Variants in RNF216 observed in about 807,000 individuals in gnomAD.
RNF216 encodes ring finger protein 216.
RNF216 carries 72 observed loss-of-function variants against 110.8 expected under a neutral mutation model. The ratio of observed to expected loss-of-function variants is 0.65; its 90% CI spans 0.54 to 0.79. The LOEUF is 0.79. Among genes scored for constraint, RNF216 ranks in the 30% least tolerant of loss-of-function variants. The probability of loss-of-function intolerance (pLI) is 0.00; values close to 1 mark genes in which losing one functional copy is unlikely to be tolerated. For missense variants in RNF216, 1,342 were observed against 1,141.2 expected, an observed-to-expected ratio of 1.18 and a Z score of -2.54; for synonymous variants, 495 against 407.5, an observed-to-expected ratio of 1.21 and a Z score of -2.59.
At chr7:5,767,858 C>G (rs1205361782) in intron 1 of RNF216, among the ~76,000 whole-genome samples, 1 of 152,106 alleles carries the variant, frequency 6.6e-6, no homozygotes, top group Non-Finnish European at 1.5e-5. Flanking sequence ...TTTGGCCTCC[C>G]AAAGTACTGG....
At chr7:5,655,047 T>C (rs1788646376) in intron 13 of RNF216, among the ~76,000 whole-genome samples, 1 of 152,182 alleles carries the variant, frequency 6.6e-6, no homozygotes, top group Non-Finnish European at 1.5e-5. Flanking sequence ...TTGAAAACAA[T>C]ACATGGCATT....
chr7:5,669,381 C>T (rs1323764551), intron 13 of RNF216, among the ~76,000 whole-genome samples: 1 of 152,206 alleles, frequency 6.6e-6, no homozygotes, highest in African/African-American at 2.4e-5. Flanking sequence ...GGCTGACACA[C>T]TCATTATCCA....
intron 8 of RNF216, among the ~76,000 whole-genome samples, chr7:5,723,523 T>TGTA (rs1793569737): frequency 6.6e-6 from 1 of 151,776 alleles, no homozygotes; most frequent in African/African-American, 2.4e-5. Context: ...GGCGGGCACC[T>TGTA]GTAGTCCCAG....
At chr7:5,675,740 GC>G (rs1398635327) in intron 13 of RNF216, among the ~76,000 whole-genome samples, 2 of 141,932 alleles carry the variant, frequency 1.4e-5, no homozygotes, top group Admixed American at 6.9e-5. Flanking sequence ...GTGGAGTTTC[GC>G]TCTTGTTGCC....
chr7:5,776,023 A>T (rs1248537825), intron 1 of RNF216, among the ~76,000 whole-genome samples: 1 of 152,162 alleles, frequency 6.6e-6, no homozygotes, highest in Non-Finnish European at 1.5e-5. Flanking sequence ...CCAGTTGCTC[A>T]TCCTAACCAT....
chr7:5,655,064 C>G lies in RNF216; in HGVS notation c.2062-2554G>C, dbSNP rs7807655. ...GAAAACAATACATGGCATTTAGATACTTTTTAGCATTCCTGGCAATTCCGT... is the reference window on the plus strand; with the variant it reads ...GAAAACAATACATGGCATTTAGATAGTTTTTAGCATTCCTGGCAATTCCGT... On this transcript the variant is annotated intron_variant, in intron 13 of 16. Coordinates refer to ENST00000389902, the MANE Select transcript of RNF216 (RefSeq NM_207111.4). 3.7e-3 allele frequency among the ~76,000 whole-genome samples: 559 copies of G among 152,354 alleles called. 2 individuals are homozygous for G. The highest frequency in any genetic ancestry group is 0.013 in the African/African-American group (521 of 41,578).
At chr7:5,712,594 C>T (rs1792780364) in intron 12 of RNF216, 121 bp downstream of exon 12, 2 of 953,726 alleles carry the variant, frequency 2.1e-6, no homozygotes, top group Non-Finnish European at 3.2e-6. Flanking sequence ...TCTTATTTCT[C>T]AGCAAGAAAT....
intron 1 of RNF216, among the ~76,000 whole-genome samples, chr7:5,762,620 A>AG (rs1311212254): frequency 2.0e-5 from 3 of 151,150 alleles, no homozygotes; most frequent in Non-Finnish European, 4.4e-5. Flanking sequence ...TGAACCCGGG[A>AG]GGCAGAGGTT....
chr7:5,671,130 T>C (rs1332905691), intron 13 of RNF216, among the ~76,000 whole-genome samples: 1 of 152,252 alleles, frequency 6.6e-6, no homozygotes, highest in African/African-American at 2.4e-5. Context: ...AATATGCCTT[T>C]TGCCAGGCTC....
intron 15 of RNF216, among the ~76,000 whole-genome samples, chr7:5,633,843 T>C (rs548835238): frequency 1.5e-4 from 23 of 152,294 alleles, no homozygotes; most frequent in African/African-American, 5.5e-4. Flanking sequence ...AGGTAGAATT[T>C]ACCAGAGAGG....
At chr7:5,649,475 T>G (rs970595603) in intron 14 of RNF216, among the ~76,000 whole-genome samples, 6 of 152,082 alleles carry the variant, frequency 3.9e-5, no homozygotes, top group African/African-American at 1.4e-4. Context: ...TGCCATTGTA[T>G]TCCAGCCTGG....
At chr7:5,638,026 T>G (rs537151388) in intron 15 of RNF216, among the ~76,000 whole-genome samples, 27 of 152,214 alleles carry the variant, frequency 1.8e-4, no homozygotes, top group East Asian at 7.8e-4. Flanking sequence ...AGCAGCCCCC[T>G]TGGATGGGCC....
intron 13 of RNF216, among the ~76,000 whole-genome samples, chr7:5,700,413 G>T (rs1489599257): frequency 6.6e-6 from 1 of 152,174 alleles, no homozygotes; most frequent in African/African-American, 2.4e-5. Context: ...ATTCTTGAGG[G>T]ATTTTTATTG....
At chr7:5,655,729 T>C (rs191805090) in intron 13 of RNF216, among the ~76,000 whole-genome samples, 2 of 147,796 alleles carry the variant, frequency 1.4e-5, no homozygotes, top group Admixed American at 6.6e-5. Context: ...CTCTGTGTAG[T>C]GTCTTTAAAA....
Position 5,741,823 on chromosome 7 carries a change from AAAATG to A in RNF216, c.202-13_202-9del, listed in dbSNP as rs749862881. On this transcript the variant is annotated splice_polypyrimidine_tract_variant and intron_variant, in intron 3 of 16. Transcript: ENST00000389902. ...TCTCTGAGGTTTATTTGTCTAAGAA[AAAATG>A]AAATTTTAATAATTCAATTTCTTTC... The A allele has an allele frequency of 3.3e-4, 528 of 1,581,682 alleles. No individual in the cohort carries two copies. The highest frequency in any genetic ancestry group is 4.1e-4 in the Non-Finnish European group (478 of 1,168,372).
chr7:5,759,573 T>A (rs1253797241), intron 2 of RNF216, among the ~76,000 whole-genome samples: 4 of 152,058 alleles, frequency 2.6e-5, no homozygotes, highest in Admixed American at 2.6e-4. Flanking sequence ...ATGTTATCAG[T>A]AAGGCTTCCA....
rs1450830664 is a variant in RNF216 at position 5,696,810 on chromosome 7, T to C, written c.2061+14951A>G. The stretch of plus-strand genomic sequence containing the variant: ...CTGGGAGGGCTGTAGGAGGACGGCA[T>C]GTCCCCAGGTTACTAGAAATGACTT... On this transcript the variant is annotated intron_variant, in intron 13 of 16. Coordinates refer to ENST00000389902, the MANE Select transcript of RNF216 (RefSeq NM_207111.4). The surrounding 1 kb of genome is among the most constrained non-coding windows in gnomAD (Gnocchi z 5.4). 6.6e-6 allele frequency among the ~76,000 whole-genome samples: 1 copy of C among 152,178 alleles called. No individual in the cohort carries two copies. Among genetic ancestry groups the C allele is most frequent in the East Asian group, 1.9e-4 (1 of 5,196 alleles).
At chr7:5,776,962 AAG>A (rs1013729048) in intron 1 of RNF216, among the ~76,000 whole-genome samples, 4 of 151,838 alleles carry the variant, frequency 2.6e-5, no homozygotes, top group Non-Finnish European at 5.9e-5. Flanking sequence ...GAAAGAAAGA[AAG>A]AAAAAGAAAG....
At chr7:5,694,021 G>T (rs1442464601) in intron 13 of RNF216, among the ~76,000 whole-genome samples, 3 of 152,156 alleles carry the variant, frequency 2.0e-5, no homozygotes, top group Admixed American at 6.5e-5. Context: ...AGCACAGTGA[G>T]ACGAATGCTC....
Sources: allele counts gnomAD v4.1 joint callset (sites outside exome capture counted in the v4.1 genomes callset), GRCh38; gene constraint gnomAD v4.1.1; non-coding constraint Gnocchi (gnomAD v3.1); transcripts MANE v1.5; gene names NCBI Gene and HGNC (gene_info 2026-07-23, HGNC 2026-07-21).